The following GNA14 variants were observed in gnomAD, a reference collection of about 807,000 sequenced individuals.
The protein encoded by GNA14 is guanine nucleotide-binding protein subunit alpha-14.
GNA14 carries 50 observed loss-of-function variants against 42.0 expected under a neutral mutation model. That is an observed-to-expected ratio of 1.19 (90% confidence interval 0.95 to 1.51). The LOEUF (loss-of-function observed/expected upper bound fraction) is 1.51, where lower values mean the gene tolerates loss of function less well. Ranked by LOEUF, GNA14 falls within the 40% of genes most tolerant of loss-of-function variation. The pLI, the probability that GNA14 is intolerant of heterozygous loss-of-function variation, is 0.00. For synonymous variants in GNA14, 173 were observed against 163.1 expected (o/e 1.06, Z -0.46); for missense variants, 473 against 446.2 (o/e 1.06, Z -0.54).
intron 1 of GNA14, among the ~76,000 whole-genome samples, chr9:77,629,553 A>T (rs190610105): frequency 6.6e-6 from 1 of 152,364 alleles, no homozygotes; most frequent in African/African-American, 2.4e-5. Flanking sequence ...TGTAGCCATA[A>T]AAAGGATCAG....
intron 2 of GNA14, among the ~76,000 whole-genome samples, chr9:77,478,339 C>G (rs1290542883): frequency 6.6e-6 from 1 of 152,070 alleles, no homozygotes; most frequent in Non-Finnish European, 1.5e-5. Flanking sequence ...CATCCATGTC[C>G]CTACAAAGGA....
chr9:77,508,715 G>C (rs944416883), intron 2 of GNA14, among the ~76,000 whole-genome samples: 2 of 152,182 alleles, frequency 1.3e-5, no homozygotes, highest in African/African-American at 4.8e-5. Flanking sequence ...AGAAGAACCA[G>C]GCCTCCTTGG....
intron 2 of GNA14, among the ~76,000 whole-genome samples, chr9:77,509,446 A>T (rs1223452574): frequency 6.6e-6 from 1 of 152,218 alleles, no homozygotes; most frequent in African/African-American, 2.4e-5. Context: ...CCTGTTTCCA[A>T]ATTATTTTGG....
chr9:77,438,065 G>A (rs544550451), intron 2 of GNA14, among the ~76,000 whole-genome samples: 2 of 152,236 alleles, frequency 1.3e-5, no homozygotes, highest in South Asian at 2.1e-4. Context: ...TCAGGTCACC[G>A]GGAGACCTCA....
At chr9:77,608,986 T>G (rs1415800340) in intron 1 of GNA14, among the ~76,000 whole-genome samples, 1 of 152,188 alleles carries the variant, frequency 6.6e-6, no homozygotes, top group Non-Finnish European at 1.5e-5. Context: ...ACACCCTTAG[T>G]GTTCTTTTCA....
At chr9:77,478,030 C>CTTTTTTTTTTTTTAAAGGTGTCT (rs11455779) in intron 2 of GNA14, among the ~76,000 whole-genome samples, 1 of 146,894 alleles carries the variant, frequency 6.8e-6, no homozygotes, top group Non-Finnish European at 1.5e-5. Flanking sequence ...TTAAAGGTGT[C>CTTTTTTTTTTTTTAAAGGTGTCT]TTTTTTTTTT....
In GNA14 at chr9:77,619,914, A is replaced by T. The variant is rs368692534; in HGVS notation, c.124+27756T>A. ...ACCAATTCATTTCTGTCCCTGACAA[A>T]CCTGTTTTGATACACTGGAATTACT... is the stretch of plus-strand genomic sequence containing the variant. On this transcript the variant is annotated intron_variant, in intron 1 of 6. Transcript: ENST00000341700. Among the ~76,000 whole-genome samples, 189 of 152,300 alleles carry T rather than the reference A, an allele frequency of 1.2e-3. No individual in the cohort carries two copies. In the Middle Eastern group the frequency reaches 0.044, roughly 36 times the overall value.
chr9:77,586,344 A>G (rs11145491), intron 1 of GNA14, among the ~76,000 whole-genome samples: 12,403 of 152,258 alleles, frequency 0.081, 1,713 homozygotes, highest in African/African-American at 0.28. Context: ...AAAGGTCAAA[A>G]AATGGAAATT....
At chr9:77,488,784 T>TAAAAAAAAAAAAAAAAAA (rs67416479) in intron 2 of GNA14, among the ~76,000 whole-genome samples, 7 of 53,680 alleles carry the variant, frequency 1.3e-4, no homozygotes, top group East Asian at 6.2e-4. Flanking sequence ...CACACCTAAT[T>TAAAAAAAAAAAAAAAAAA]AAAAAAAAAA....
intron 1 of GNA14, among the ~76,000 whole-genome samples, chr9:77,552,205 A>T (rs1033415067): frequency 6.6e-6 from 1 of 152,070 alleles, no homozygotes; most frequent in Non-Finnish European, 1.5e-5. Context: ...GTTCTAAAAT[A>T]AAATTGAATC....
intron 2 of GNA14, among the ~76,000 whole-genome samples, chr9:77,462,509 G>A (rs1284753522): frequency 1.3e-5 from 2 of 152,262 alleles, no homozygotes; most frequent in East Asian, 3.9e-4. Context: ...CACGAGGTCA[G>A]GAGTTCAAGA....
chr9:77,432,274 C>A (rs1200416007), intron 3 of GNA14, among the ~76,000 whole-genome samples: 1 of 152,310 alleles, frequency 6.6e-6, no homozygotes, highest in Admixed American at 6.5e-5. Context: ...GGTCCGCATG[C>A]AGGCTAACCA....
At chr9:77,451,076 C>T (rs889588714) in intron 2 of GNA14, among the ~76,000 whole-genome samples, 16 of 152,214 alleles carry the variant, frequency 1.1e-4, no homozygotes, top group East Asian at 3.9e-4. Context: ...CAGACTAATA[C>T]GGCATCTGAG....
intron 1 of GNA14, among the ~76,000 whole-genome samples, chr9:77,576,714 C>T (rs1018225513): frequency 2.0e-5 from 3 of 152,008 alleles, no homozygotes; most frequent in Non-Finnish European, 4.4e-5. Flanking sequence ...ATACTCATTT[C>T]CTCAAATTTT....
At chr9:77,487,305 G>C (rs1275616477) in intron 2 of GNA14, among the ~76,000 whole-genome samples, 1 of 152,102 alleles carries the variant, frequency 6.6e-6, no homozygotes, top group Non-Finnish European at 1.5e-5. Flanking sequence ...TTGACTATGG[G>C]TAACTGAAAC....
chr9:77,447,990 T>C (rs534841950), intron 2 of GNA14, among the ~76,000 whole-genome samples: 3 of 152,348 alleles, frequency 2.0e-5, no homozygotes, highest in Non-Finnish European at 4.4e-5. Context: ...TTTTACTACA[T>C]TGGTTTCTAA....
chr9:77,457,019 G>T (rs1836011813), intron 2 of GNA14, among the ~76,000 whole-genome samples: 1 of 152,168 alleles, frequency 6.6e-6, no homozygotes, highest in East Asian at 1.9e-4. Context: ...GACTCACGAC[G>T]CCACGTAGTG....
intron 2 of GNA14, among the ~76,000 whole-genome samples, chr9:77,509,316 T>C (rs913221609): frequency 2.0e-5 from 3 of 152,248 alleles, no homozygotes; most frequent in Admixed American, 1.3e-4. Context: ...TTCCATTGCA[T>C]GTATATACCA....
At chr9:77,552,126 CAAA>C (rs34493872) in intron 1 of GNA14, among the ~76,000 whole-genome samples, 13 of 85,078 alleles carry the variant, frequency 1.5e-4, no homozygotes, top group Admixed American at 6.7e-4. Flanking sequence ...AACTCCATCT[CAAA>C]AAAAAAAAAA....
Sources: gnomAD v4.1 joint callset for allele counts (sites outside exome capture counted in the v4.1 genomes callset) on GRCh38, gnomAD v4.1.1 for gene constraint, MANE v1.5 for transcripts, NCBI Gene and HGNC (gene_info 2026-07-23, HGNC 2026-07-21) for gene names.